Variants in MZT2A observed in about 807,000 individuals in gnomAD.
MZT2A encodes mitotic spindle organizing protein 2A, also known as mitotic-spindle organizing protein 2A.
A neutral mutation model predicts 12.4 loss-of-function variants in MZT2A; 8 were observed. The ratio of observed to expected loss-of-function variants is 0.64; its 90% CI spans 0.38 to 1.16. The LOEUF (loss-of-function observed/expected upper bound fraction) is 1.16, where lower values mean the gene tolerates loss of function less well. Among genes scored for constraint, MZT2A ranks in the 50% most tolerant of loss-of-function variants. The pLI is 0.01. For synonymous variants in MZT2A, 88 were observed against 107.5 expected (o/e 0.82, Z 1.12); for missense variants, 181 against 223.6 (o/e 0.81, Z 1.22).
At chr2:131,473,621 C>T (rs1259290151) in intron 2 of MZT2A, among the ~76,000 whole-genome samples, 3 of 145,114 alleles carry the variant, frequency 2.1e-5, no homozygotes, top group Non-Finnish European at 4.4e-5. Context: ...AAGAATCAAA[C>T]TGGGAAGAAT....
chr2:131,492,268 C>T lies in MZT2A; in HGVS notation c.109G>A (p.Glu37Lys). 6.3e-7 allele frequency: 1 copy of T among 1,580,532 alleles called. No individual in the cohort carries two copies. The highest frequency in any genetic ancestry group is 8.5e-7 in the Non-Finnish European group (1 of 1,170,780). Residue 37 changes from glutamate to lysine, a missense_variant, in exon 1 of 3, where the codon GAG (glutamate) becomes AAG (lysine). Physicochemically the swap from Glu to Lys is moderately conservative, Grantham distance 56. Transcript: ENST00000309451. Reference sequence around the variant, plus strand: ...TGAGCCAGCTCGTACAGCTCCATCTCCTCGGTGCTCAGCACCTTCTTGCGC... The same window carrying T: ...TGAGCCAGCTCGTACAGCTCCATCTTCTCGGTGCTCAGCACCTTCTTGCGC... ...LRRKKVLSTE[E>K]MELYELAQAA...
intron 3 of MZT2A, among the ~76,000 whole-genome samples, chr2:131,470,650 G>T (rs1006593142): frequency 4.6e-5 from 7 of 151,750 alleles, no homozygotes; most frequent in Non-Finnish European, 1.5e-5. Flanking sequence ...TCTGCCCGAG[G>T]TCTTCTACAC....
At chr2:131,490,598 G>C in intron 2 of MZT2A, 1 of 1,544,430 alleles carries the variant, frequency 6.5e-7, no homozygotes, top group Non-Finnish European at 8.7e-7. Flanking sequence ...GGGCAGCGGT[G>C]GCCTGCATGA....
intron 2 of MZT2A, among the ~76,000 whole-genome samples, chr2:131,485,809 C>T (rs1679030075): frequency 6.6e-6 from 1 of 151,962 alleles, no homozygotes; most frequent in Non-Finnish European, 1.5e-5. Flanking sequence ...TCTAGGGACC[C>T]ATTAGGTCAT....
intron 2 of MZT2A, among the ~76,000 whole-genome samples, chr2:131,472,532 G>A (rs949149359): frequency 2.0e-5 from 3 of 152,196 alleles, no homozygotes; most frequent in African/African-American, 7.2e-5. Flanking sequence ...CAGCCATGTA[G>A]CATATAATGA....
upstream of MZT2A, among the ~76,000 whole-genome samples, chr2:131,493,383 T>G (rs1573882176): frequency 6.6e-6 from 1 of 152,288 alleles, no homozygotes; most frequent in South Asian, 2.1e-4. Context: ...CGGTAGGTGT[T>G]CGTTGAAGGT....
rs753638030 is a variant in MZT2A at position 131,484,097 on chromosome 2, G to GC, written c.440dup (p.Gly148ArgfsTer34). On this transcript the variant is annotated frameshift_variant, in exon 3 of 3. Transcript: ENST00000309451. LOFTEE classifies it high-confidence loss of function. Reference sequence around the variant, plus strand: ...CCTGCGTAGGGCTCTTCCCAGGCCCGCCCCCCTTGGGCAGCCTGGTAGCGC... The same window carrying GC: ...CCTGCGTAGGGCTCTTCCCAGGCCCGCCCCCCCTTGGGCAGCCTGGTAGCGC... The GC allele has an allele frequency of 1.7e-5, 27 of 1,613,428 alleles. No homozygotes were observed. The highest frequency in any genetic ancestry group is 8.0e-5 in the African/African-American group (6 of 74,882).
intron 2 of MZT2A, among the ~76,000 whole-genome samples, chr2:131,473,922 G>C (rs1292368090): frequency 6.9e-6 from 1 of 144,890 alleles, no homozygotes; most frequent in Non-Finnish European, 1.5e-5. Context: ...TATGCGAGGT[G>C]TGCAGAATTT....
intron 2 of MZT2A, chr2:131,489,950 A>C: frequency 5.1e-6 from 5 of 977,730 alleles, no homozygotes; most frequent in Non-Finnish European, 3.6e-6. Flanking sequence ...CATCTCCTGG[A>C]GTGACAAGAA....
intron 2 of MZT2A, among the ~76,000 whole-genome samples, chr2:131,473,004 G>A (rs536952991): frequency 1.3e-5 from 2 of 152,032 alleles, no homozygotes; most frequent in South Asian, 4.2e-4. Flanking sequence ...AAGGTTAAGT[G>A]AGGTCATAAG....
upstream of MZT2A, chr2:131,492,635 C>T: frequency 8.1e-7 from 1 of 1,229,264 alleles, no homozygotes; most frequent in Non-Finnish European, 1.0e-6. Context: ...GTCAGGGCGT[C>T]CCTGATAGAC....
intron 2 of MZT2A, among the ~76,000 whole-genome samples, chr2:131,476,565 G>C (rs1332241538): frequency 6.6e-6 from 1 of 152,192 alleles, no homozygotes; most frequent in Non-Finnish European, 1.5e-5. Flanking sequence ...CGGTGACGGG[G>C]GTTGGGGCTG....
In MZT2A at chr2:131,490,492, T is replaced by C. The variant is rs1573875860; in HGVS notation, c.319+1384A>G. On this transcript the variant is annotated intron_variant, in intron 2 of 2. Transcript: ENST00000309451. ...CTCTGGGGTGTGGGGATGTTGGTCC[T>C]GTCCCCGGATGCCAGCCCGACTGTG... The C allele has an allele frequency of 1.3e-5, 18 of 1,416,858 alleles. No homozygotes were observed. The East Asian group carries it at 4.7e-4, about 37-fold the overall frequency. The allele number at this position is 1,416,858 out of a possible 1,614,324, so 87.8% of individuals were successfully genotyped here.
downstream of MZT2A, chr2:131,480,744 T>C (rs769470730): frequency 5.6e-6 from 9 of 1,609,772 alleles, no homozygotes; most frequent in African/African-American, 2.7e-5. Flanking sequence ...CCCGACTGGA[T>C]TTAAGGTATG....
upstream of MZT2A, chr2:131,492,796 G>GGGCGC: frequency 1.2e-6 from 1 of 853,304 alleles, no homozygotes; most frequent in Non-Finnish European, 1.7e-6. Context: ...GGGGTGGGGG[G>GGGCGC]CACTAATCAA....
chr2:131,472,424 C>T (rs1678467110), intron 2 of MZT2A, among the ~76,000 whole-genome samples: 1 of 152,132 alleles, frequency 6.6e-6, no homozygotes, highest in Admixed American at 6.5e-5. Context: ...CTCAATTTTT[C>T]TTTTGTCATT....
At chr2:131,475,385 A>T (rs370424945) in intron 2 of MZT2A, among the ~76,000 whole-genome samples, 26 of 127,388 alleles carry the variant, frequency 2.0e-4, no homozygotes, top group South Asian at 5.1e-4. Context: ...TGGAGTGTGC[A>T]GTGGCCCAAT....
In MZT2A at chr2:131,491,861, G is replaced by A. The variant is rs559019342; in HGVS notation, c.319+15C>T. 13 of 1,441,798 alleles carry A rather than the reference G, an allele frequency of 9.0e-6. No homozygotes were observed. The African/African-American group carries it at 1.6e-4, about 18-fold the overall frequency. 89.3% of individuals were successfully genotyped at this position (1,441,798 alleles called of 1,614,324 possible). ...CCCCCGCCACTGGGGCAGGGACAGCGGGCCCAGCTCTGACCTCGGGTCTCG... is the reference window on the plus strand; with the variant it reads ...CCCCCGCCACTGGGGCAGGGACAGCAGGCCCAGCTCTGACCTCGGGTCTCG... On this transcript the variant is annotated intron_variant, in intron 2 of 2. Coordinates refer to ENST00000309451, the MANE Select transcript of MZT2A (RefSeq NM_001085365.2).
At chr2:131,482,617 C>A (rs139782017), downstream of MZT2A, 2,023 of 1,613,754 alleles carry the variant, frequency 1.3e-3, 21 homozygotes, top group African/African-American at 0.022. Flanking sequence ...TGCAGCGGGC[C>A]GTGTGCATGC....
Sources: gnomAD v4.1 joint callset for allele counts (sites outside exome capture counted in the v4.1 genomes callset) on GRCh38, gnomAD v4.1.1 for gene constraint, MANE v1.5 for transcripts, NCBI Gene and HGNC (gene_info 2026-07-23, HGNC 2026-07-21) for gene names.